The following FER1L6 variants were observed in gnomAD, a reference collection of about 807,000 sequenced individuals.
FER1L6 encodes the protein fer-1 like family member 6, also known as fer-1-like protein 6.
FER1L6 carries 177 observed loss-of-function variants against 219.2 expected under a neutral mutation model. The observed-to-expected ratio is 0.81, with a 90% confidence interval of 0.71 to 0.91. The LOEUF is 0.91. Among genes scored for constraint, FER1L6 ranks in the 40% least tolerant of loss-of-function variants. FER1L6 has a pLI of 0.00. For synonymous variants in FER1L6, 768 were observed against 824.3 expected (o/e 0.93, Z 1.17); for missense variants, 2,153 against 2,259.9 (o/e 0.95, Z 0.96).
chr8:123,955,499 A>C (rs1814973991), intron 1 of FER1L6, among the ~76,000 whole-genome samples: 1 of 152,172 alleles, frequency 6.6e-6, no homozygotes, highest in South Asian at 2.1e-4. Context: ...CTGGCTGCCC[A>C]GTGGTTAGAC....
At chr8:123,980,942 G>A (rs1816297988) in intron 11 of FER1L6, 131 bp downstream of exon 11, 3 of 740,654 alleles carry the variant, frequency 4.1e-6, no homozygotes, top group Admixed American at 2.9e-5. Flanking sequence ...TGTTGGCCCA[G>A]CCCTGTGTTC....
intron 11 of FER1L6, chr8:123,985,437 G>C (rs1816528786): frequency 6.6e-6 from 1 of 152,246 alleles, no homozygotes; most frequent in Non-Finnish European, 1.5e-5. Flanking sequence ...GGGAAGTAAA[G>C]TTTGATTCTG....
rs545740399 is a variant in FER1L6 at position 124,010,316 on chromosome 8, G to A, written c.1701-278G>A. ...AATAAAGCCATCCTTCTTGAAAAAGGCCTGCCTAAAAAAATCCCGCCCTCT... is the reference window on the plus strand; with the variant it reads ...AATAAAGCCATCCTTCTTGAAAAAGACCTGCCTAAAAAAATCCCGCCCTCT... On this transcript the variant is annotated intron_variant, in intron 13 of 40. Coordinates refer to ENST00000522917, the MANE Select transcript of FER1L6 (RefSeq NM_001039112.2). 2.2e-4 allele frequency among the ~76,000 whole-genome samples: 34 copies of A among 152,214 alleles called. 2 individuals are homozygous for A. In the South Asian group the frequency reaches 4.6e-3, roughly 20 times the overall value.
At chr8:123,895,237 G>T (rs1431391603) in intron 1 of FER1L6, among the ~76,000 whole-genome samples, 2 of 152,198 alleles carry the variant, frequency 1.3e-5, no homozygotes, top group Non-Finnish European at 2.9e-5. Flanking sequence ...TGTTTTGACA[G>T]CATGAAAGTC....
intron 1 of FER1L6, among the ~76,000 whole-genome samples, chr8:123,857,920 C>T (rs1816677616): frequency 6.6e-6 from 1 of 152,200 alleles, no homozygotes; most frequent in South Asian, 2.1e-4. Flanking sequence ...AAGCTGAACA[C>T]ATTTCACTCC....
intron 1 of FER1L6, among the ~76,000 whole-genome samples, chr8:123,854,891 T>G (rs1816603438): frequency 6.6e-6 from 1 of 152,208 alleles, no homozygotes; most frequent in Non-Finnish European, 1.5e-5. Context: ...TCCTAGTTTG[T>G]TAAAATTTTT....
Position 124,010,674 on chromosome 8 carries a change from T to A in FER1L6, c.1781T>A (p.Leu594Gln). 6.2e-7 allele frequency: 1 copy of A among 1,614,018 alleles called. No individual in the cohort carries two copies. Among genetic ancestry groups the A allele is most frequent in the East Asian group, 2.2e-5 (1 of 44,874 alleles). ...TCTTGGGGAGACCAGACCTTCAGGC[T>A]GCACTGGTCCAACATGCTGGAGAAA... ...ISSWGDQTFR[L>Q]HWSNMLEKMA... Residue 594 changes from leucine to glutamine, a missense_variant, in exon 14 of 41, where the codon CTG (leucine) becomes CAG (glutamine). Transcript: ENST00000522917.
chr8:123,911,729 C>G (rs77874098), intron 1 of FER1L6, among the ~76,000 whole-genome samples: 1 of 152,096 alleles, frequency 6.6e-6, no homozygotes, highest in Non-Finnish European at 1.5e-5. Flanking sequence ...ACTGATTGTC[C>G]GAGAGCATGC....
chr8:123,959,915 C>G (rs1815191491), intron 2 of FER1L6, among the ~76,000 whole-genome samples: 1 of 152,186 alleles, frequency 6.6e-6, no homozygotes, highest in African/African-American at 2.4e-5. Flanking sequence ...GTTGCTTTAA[C>G]AAATTTTAAA....
chr8:124,084,977 A>G (rs1214248990), intron 33 of FER1L6, among the ~76,000 whole-genome samples: 2 of 152,082 alleles, frequency 1.3e-5, no homozygotes, highest in Non-Finnish European at 2.9e-5. Context: ...CCATGGTTCA[A>G]TCTTGGTAGG....
At chr8:124,089,305 C>T (rs765426543) in intron 33 of FER1L6, among the ~76,000 whole-genome samples, 4 of 152,130 alleles carry the variant, frequency 2.6e-5, no homozygotes, top group South Asian at 2.1e-4. Flanking sequence ...AGTTCCAATC[C>T]GAAGTCCCAC....
chr8:123,983,463 T>A (rs577128506), intron 11 of FER1L6, among the ~76,000 whole-genome samples: 1 of 152,182 alleles, frequency 6.6e-6, no homozygotes, highest in East Asian at 1.9e-4. Context: ...CTCCATGGAG[T>A]TTATGATATA....
intron 39 of FER1L6, among the ~76,000 whole-genome samples, chr8:124,106,328 C>CAAAAAAAAAAAAAAAAAAAAAAAAAAA (rs71289636): frequency 1.6e-5 from 1 of 63,848 alleles, no homozygotes; most frequent in Non-Finnish European, 2.6e-5. Flanking sequence ...GACTCTGTCT[C>CAAAAAAAAAAAAAAAAAAAAAAAAAAA]AAAAAAAAAA....
intron 13 of FER1L6, among the ~76,000 whole-genome samples, chr8:124,004,023 T>C (rs1019366415): frequency 6.6e-6 from 1 of 151,572 alleles, no homozygotes; most frequent in East Asian, 1.9e-4. Flanking sequence ...ATCTGAGTCC[T>C]GTGCTATTAT....
Position 124,023,666 on chromosome 8 carries a change from T to C in FER1L6, c.2286+70T>C, listed in dbSNP as rs372574341. The C allele has an allele frequency of 1.2e-5, 18 of 1,510,502 alleles. No homozygotes were observed. The East Asian group carries it at 3.4e-4, about 29-fold the overall frequency. 93.6% of individuals were successfully genotyped at this position (1,510,502 alleles called of 1,614,324 possible). On this transcript the variant is annotated intron_variant, in intron 18 of 40. Coordinates refer to ENST00000522917, the MANE Select transcript of FER1L6 (RefSeq NM_001039112.2). ...CTCTAGGGTGGCTCAGACTTTCTAGTGTGTGTCCATGGCTCTGACCATTCC... is the reference window on the plus strand; with the variant it reads ...CTCTAGGGTGGCTCAGACTTTCTAGCGTGTGTCCATGGCTCTGACCATTCC...
chr8:124,082,734 T>C (rs1229185434), intron 33 of FER1L6, among the ~76,000 whole-genome samples: 1 of 152,188 alleles, frequency 6.6e-6, no homozygotes. Context: ...CAGTCAGATG[T>C]GCCTTGAAAT....
At chr8:124,083,840 G>A (rs914441251) in intron 33 of FER1L6, among the ~76,000 whole-genome samples, 1 of 152,100 alleles carries the variant, frequency 6.6e-6, no homozygotes, top group Admixed American at 6.5e-5. Context: ...AGATTTCACT[G>A]AATCTGTAGG....
chr8:123,864,175 G>A (rs1170387120), intron 1 of FER1L6, among the ~76,000 whole-genome samples: 1 of 150,266 alleles, frequency 6.7e-6, no homozygotes, highest in Non-Finnish European at 1.5e-5. Flanking sequence ...GGGCAGGCCT[G>A]GTGGTGACAA....
intron 31 of FER1L6, among the ~76,000 whole-genome samples, chr8:124,073,181 A>G (rs1821150107): frequency 6.6e-6 from 1 of 152,250 alleles, no homozygotes; most frequent in South Asian, 2.1e-4. Context: ...GAGATTGGAG[A>G]AAGATCTGTC....
Sources: gnomAD v4.1 joint callset for allele counts (sites outside exome capture counted in the v4.1 genomes callset) on GRCh38, gnomAD v4.1.1 for gene constraint, MANE v1.5 for transcripts, NCBI Gene and HGNC (gene_info 2026-07-23, HGNC 2026-07-21) for gene names.